DMRT1: variants seen among roughly 807,000 people sequenced by gnomAD.
The protein encoded by DMRT1 is doublesex- and mab-3-related transcription factor 1.
DMRT1 carries 7 observed loss-of-function variants against 32.3 expected under a neutral mutation model. The ratio of observed to expected loss-of-function variants is 0.22; its 90% CI spans 0.12 to 0.41. The LOEUF is 0.41. DMRT1 is among the 10% of genes least tolerant of loss of function. The pLI is 1.00. For missense variants in DMRT1, 625 were observed against 500.5 expected (o/e 1.25, Z -2.37); for synonymous variants, 278 against 206.1 (o/e 1.35, Z -2.99).
intron 2 of DMRT1, among the ~76,000 whole-genome samples, chr9:848,353 A>G (rs1343446484): frequency 1.3e-5 from 2 of 152,196 alleles, no homozygotes; most frequent in Non-Finnish European, 2.9e-5. Context: ...TTAAAAAGGA[A>G]GTTAAGCAGA....
chr9:912,939 T>TGCCACTGTTTACAAATAAAGTTTTATTG (rs1818040187), intron 3 of DMRT1, among the ~76,000 whole-genome samples: 1 of 152,210 alleles, frequency 6.6e-6, no homozygotes, highest in African/African-American at 2.4e-5. Flanking sequence ...AAGGAACCAG[T>TGCCACTGTTTACAAATAAAGTTTTATTG]GCCACTGTTT....
At chr9:855,219 A>G (rs1377389629) in intron 2 of DMRT1, among the ~76,000 whole-genome samples, 1 of 152,222 alleles carries the variant, frequency 6.6e-6, no homozygotes. Flanking sequence ...TATGAAAACA[A>G]AGTACGTAGG....
chr9:865,657 A>C (rs1377803104), intron 2 of DMRT1, among the ~76,000 whole-genome samples: 1 of 152,114 alleles, frequency 6.6e-6, no homozygotes, highest in African/African-American at 2.4e-5. Flanking sequence ...CAAGAATTAC[A>C]TCTTTGGGTG....
chr9:910,785 T>C (rs765698036), intron 3 of DMRT1, among the ~76,000 whole-genome samples: 2 of 152,082 alleles, frequency 1.3e-5, no homozygotes, highest in Non-Finnish European at 2.9e-5. Context: ...GGATGGGTAA[T>C]AACGTATAAA....
At chr9:842,686 G>T (rs1451892846) in intron 1 of DMRT1, 1 of 154,550 alleles carries the variant, frequency 6.5e-6, no homozygotes, top group Admixed American at 6.4e-5. Flanking sequence ...GGGAGCGCCG[G>T]AGACGCGTCT....
At chr9:906,424 C>T (rs900670394) in intron 3 of DMRT1, among the ~76,000 whole-genome samples, 6 of 152,160 alleles carry the variant, frequency 3.9e-5, no homozygotes, top group African/African-American at 1.4e-4. Context: ...TGAATATAAT[C>T]CATATTTCTT....
chr9:901,117 C>T (rs529112157), intron 3 of DMRT1, among the ~76,000 whole-genome samples: 20 of 152,104 alleles, frequency 1.3e-4, no homozygotes, highest in South Asian at 2.1e-4. Context: ...TGGACTTAAG[C>T]GATCCTCCTA....
Position 842,110 on chromosome 9 carries a change from A to C in DMRT1, c.272A>C (p.His91Pro). The C allele has an allele frequency of 6.5e-7, 1 of 1,548,652 alleles. No homozygotes were observed. The change falls in exon 1 of 5, where the codon CAC becomes CCC. Residue 91 changes from histidine to proline, a missense_variant. Coordinates refer to ENST00000382276, the MANE Select transcript of DMRT1 (RefSeq NM_021951.3). ...NHGYASPLKGHKRFCMWRDCQ... is the reference protein window; with the variant it reads ...NHGYASPLKGPKRFCMWRDCQ... Reference sequence around the variant, plus strand: ...GGCTACGCCTCGCCGCTCAAGGGCCACAAGCGCTTCTGCATGTGGCGCGAC... The same window carrying C: ...GGCTACGCCTCGCCGCTCAAGGGCCCCAAGCGCTTCTGCATGTGGCGCGAC...
At chr9:852,730 C>T (rs767600092) in intron 2 of DMRT1, among the ~76,000 whole-genome samples, 18 of 152,218 alleles carry the variant, frequency 1.2e-4, no homozygotes, top group Non-Finnish European at 2.1e-4. Context: ...CTCACATTCA[C>T]CCTCCCCCAG....
chr9:954,597 T>C (rs937697538), intron 4 of DMRT1, among the ~76,000 whole-genome samples: 2 of 150,644 alleles, frequency 1.3e-5, no homozygotes, highest in Non-Finnish European at 2.9e-5. Context: ...AGTTGGTAGG[T>C]TCAGTTTTTT....
chr9:882,491 C>T (rs926948936), intron 2 of DMRT1, among the ~76,000 whole-genome samples: 7 of 152,162 alleles, frequency 4.6e-5, no homozygotes, highest in African/African-American at 1.7e-4. Flanking sequence ...CAGTCCTTTA[C>T]ATTCTCCTTT....
chr9:862,343 A>G (rs1815750911), intron 2 of DMRT1, among the ~76,000 whole-genome samples: 1 of 152,104 alleles, frequency 6.6e-6, no homozygotes, highest in Non-Finnish European at 1.5e-5. Context: ...CCACCGAAAA[A>G]TAGGAAAACC....
intron 2 of DMRT1, among the ~76,000 whole-genome samples, chr9:882,829 T>G (rs977793595): frequency 6.8e-6 from 1 of 147,030 alleles, no homozygotes; most frequent in African/African-American, 2.6e-5. Context: ...TGGAGTACAG[T>G]GGCATGATCT....
intron 3 of DMRT1, among the ~76,000 whole-genome samples, chr9:902,145 G>A (rs955895976): frequency 2.7e-5 from 4 of 150,386 alleles, no homozygotes; most frequent in Non-Finnish European, 5.9e-5. Context: ...CCTGACCTCA[G>A]GTGATCCGCC....
Position 968,231 on chromosome 9 carries a change from A to T in DMRT1, c.*92A>T. 1.4e-6 allele frequency: 2 copies of T among 1,464,628 alleles called. No homozygotes were observed. Among genetic ancestry groups the T allele is most frequent in the South Asian group, 2.4e-5 (2 of 84,020 alleles). 90.7% of individuals were successfully genotyped at this position (1,464,628 alleles called of 1,614,324 possible). A position where few individuals can be genotyped will look rare whatever the true frequency, so the allele number is the denominator to read the frequency against. On this transcript the variant is annotated 3_prime_UTR_variant, in exon 5 of 5. Coordinates refer to ENST00000382276, the MANE Select transcript of DMRT1 (RefSeq NM_021951.3). ...TTAATATTTTGCATTGACTCATACT[A>T]TCTTAACTGTTGAGAACGTATTTGG...
intron 2 of DMRT1, among the ~76,000 whole-genome samples, chr9:862,294 G>A (rs1439484817): frequency 6.6e-6 from 1 of 152,176 alleles, no homozygotes; most frequent in Admixed American, 6.5e-5. Context: ...GCGGTCAGGA[G>A]CTGGAGACCA....
chr9:842,232 T>TTG, intron 1 of DMRT1, 40 bp downstream of exon 1: 2 of 706,312 alleles, frequency 2.8e-6, no homozygotes, highest in Non-Finnish European at 3.7e-6. Flanking sequence ...CAGCCTTAGT[T>TTG]TTTTTTTTTT....
At chr9:876,694 G>T (rs1365310342) in intron 2 of DMRT1, among the ~76,000 whole-genome samples, 2 of 152,012 alleles carry the variant, frequency 1.3e-5, no homozygotes, top group Non-Finnish European at 2.9e-5. Context: ...ACTATGCCCA[G>T]CTATTTTAAA....
At chr9:899,470 G>T (rs1247916906) in intron 3 of DMRT1, among the ~76,000 whole-genome samples, 3 of 152,152 alleles carry the variant, frequency 2.0e-5, no homozygotes, top group Non-Finnish European at 1.5e-5. Context: ...GAATCTTAAG[G>T]CTCTTTTGTG....
Sources: gnomAD v4.1 joint callset for allele counts (sites outside exome capture counted in the v4.1 genomes callset) on GRCh38, gnomAD v4.1.1 for gene constraint, MANE v1.5 for transcripts, NCBI Gene and HGNC (gene_info 2026-07-23, HGNC 2026-07-21) for gene names.